The following NXPH1 variants were observed in gnomAD, a reference collection of about 807,000 sequenced individuals.
The protein encoded by NXPH1 is neurexophilin-1.
NXPH1 carries 5 observed loss-of-function variants against 23.7 expected under a neutral mutation model. The ratio of observed to expected loss-of-function variants is 0.21; its 90% confidence interval spans 0.11 to 0.44. The LOEUF is 0.44. Among genes scored for constraint, NXPH1 ranks in the 20% least tolerant of loss-of-function variants. The pLI is 0.99. For missense variants in NXPH1, 324 were observed against 321.6 expected (o/e 1.01, Z -0.06); for synonymous variants, 144 against 122.2 (o/e 1.18, Z -1.18).
chr7:8,613,118 A>T (rs1819655039), intron 2 of NXPH1, among the ~76,000 whole-genome samples: 1 of 151,904 alleles, frequency 6.6e-6, no homozygotes, highest in Non-Finnish European at 1.5e-5. Context: ...TCATGCCACT[A>T]CTACCTTGAG....
chr7:8,531,506 C>T (rs1817949197), intron 2 of NXPH1, among the ~76,000 whole-genome samples: 1 of 152,134 alleles, frequency 6.6e-6, no homozygotes. Context: ...AACTAGAACT[C>T]CCTTCAGTTA....
At position 8,581,020 on chromosome 7, in the gene NXPH1, G is replaced by C. The variant is rs542476138; in HGVS notation, c.54+145253G>C. On this transcript the variant is annotated intron_variant, in intron 2 of 2. Transcript: ENST00000405863. ...ATGCTAAATCCCTGAGCAAGAAAGGGAGTTACAATCAAGGACCAAATGGGA... is the reference window on the plus strand; with the variant it reads ...ATGCTAAATCCCTGAGCAAGAAAGGCAGTTACAATCAAGGACCAAATGGGA... 2.1e-4 allele frequency among the ~76,000 whole-genome samples: 32 copies of C among 152,258 alleles called. No homozygotes were observed. The South Asian group carries it at 6.0e-3, about 29-fold the overall frequency.
chr7:8,662,445 C>G (rs1410204852), intron 2 of NXPH1, among the ~76,000 whole-genome samples: 3 of 151,900 alleles, frequency 2.0e-5, no homozygotes, highest in Non-Finnish European at 4.4e-5. Flanking sequence ...AACTTTTTGA[C>G]CAATATATTT....
At position 8,509,798 on chromosome 7, in the gene NXPH1, A is replaced by G. The variant is rs544445171; in HGVS notation, c.54+74031A>G. Among the ~76,000 whole-genome samples, 4 of 152,270 alleles carry G rather than the reference A, an allele frequency of 2.6e-5. No individual in the cohort carries two copies. In the South Asian group the frequency reaches 8.3e-4, roughly 32 times the overall value. On this transcript the variant is annotated intron_variant, in intron 2 of 2. Transcript: ENST00000405863. ...CACATGTTCCAACAAAAGCAAAACC[A>G]ATGTGAAAAATGTCTCATCAATGCC...
chr7:8,602,649 C>G (rs58251508), intron 2 of NXPH1, among the ~76,000 whole-genome samples: 3,656 of 152,236 alleles, frequency 0.024, 140 homozygotes, highest in African/African-American at 0.079. Flanking sequence ...GTTTTCTCTA[C>G]TAGATTTCAA....
chr7:8,751,229 G>A lies in NXPH1; in HGVS notation c.276G>A (p.Arg92=). The A allele has an allele frequency of 6.2e-7, 1 of 1,613,868 alleles. No homozygotes were observed. The highest frequency in any genetic ancestry group is 8.5e-7 in the Non-Finnish European group (1 of 1,179,818). ...YSEQDLWDWL[R]NSTDLQEPRP... is the part of the protein sequence containing the mutation. ...AGCAAGACCTCTGGGACTGGCTGAG[G>A]AACTCCACAGACCTTCAAGAGCCTC... The change falls in exon 3 of 3, where the codon AGG becomes AGA. Residue 92 remains arginine (R), a synonymous_variant. Coordinates refer to ENST00000405863, the MANE Select transcript of NXPH1 (RefSeq NM_152745.3). This position sits in a 1 kb window ranked among gnomAD's most constrained non-coding sequence, Gnocchi z 4.5.
chr7:8,749,853 C>T (rs966537894), intron 2 of NXPH1, among the ~76,000 whole-genome samples: 1 of 152,162 alleles, frequency 6.6e-6, no homozygotes, highest in Non-Finnish European at 1.5e-5. Flanking sequence ...TAGCTCCTGT[C>T]CTTGATTCTT....
At chr7:8,492,879 T>C (rs1817273333) in intron 2 of NXPH1, among the ~76,000 whole-genome samples, 1 of 152,046 alleles carries the variant, frequency 6.6e-6, no homozygotes, top group Non-Finnish European at 1.5e-5. Flanking sequence ...ACTCTATTTA[T>C]TGATTATTTC....
intron 2 of NXPH1, among the ~76,000 whole-genome samples, chr7:8,445,674 C>A (rs1363684245): frequency 6.6e-6 from 1 of 152,238 alleles, no homozygotes; most frequent in Admixed American, 6.5e-5. Context: ...ACAGATTACA[C>A]ATACACATAT....
At chr7:8,466,887 T>G (rs1341519537) in intron 2 of NXPH1, among the ~76,000 whole-genome samples, 1 of 151,188 alleles carries the variant, frequency 6.6e-6, no homozygotes, top group East Asian at 2.0e-4. Context: ...TCTAGAGTCA[T>G]TAGAGCTGAT....
rs759439643 is a variant in NXPH1 at position 8,751,017 on chromosome 7, G to A, written c.64G>A (p.Ala22Thr). ...TCTCTTCTGTTTTCAGGTCACATGT[G>A]CCAATTTAACGAACGGTGGAAAGTC... ...LQPTVYLVTC[A>T]NLTNGGKSEL... The change falls in exon 3 of 3, where the codon GCC becomes ACC. Residue 22 changes from alanine (A) to threonine (T), a missense_variant. Coordinates refer to ENST00000405863, the MANE Select transcript of NXPH1 (RefSeq NM_152745.3). The surrounding 1 kb of genome is among the most constrained non-coding windows in gnomAD (Gnocchi z 4.5). 1.2e-6 allele frequency: 2 copies of A among 1,613,526 alleles called. No homozygotes were observed. Among genetic ancestry groups the A allele is most frequent in the East Asian group, 2.2e-5 (1 of 44,880 alleles).
chr7:8,666,302 T>C (rs1051654441), intron 2 of NXPH1, among the ~76,000 whole-genome samples: 8 of 152,106 alleles, frequency 5.3e-5, no homozygotes, highest in Non-Finnish European at 1.2e-4. Context: ...GATATGATCA[T>C]ATGGTTTTTG....
intron 2 of NXPH1, among the ~76,000 whole-genome samples, chr7:8,736,586 T>G (rs1780260706): frequency 6.6e-6 from 1 of 152,238 alleles, no homozygotes; most frequent in Admixed American, 6.5e-5. Context: ...GATGTGGTGC[T>G]GACAAGAATG....
At chr7:8,680,050 G>T (rs903333116) in intron 2 of NXPH1, among the ~76,000 whole-genome samples, 3 of 152,206 alleles carry the variant, frequency 2.0e-5, no homozygotes, top group Non-Finnish European at 4.4e-5. Context: ...TGAAACCCTA[G>T]TATGTTTTCA....
intron 2 of NXPH1, among the ~76,000 whole-genome samples, chr7:8,685,743 G>C (rs897017119): frequency 6.6e-5 from 10 of 151,906 alleles, no homozygotes; most frequent in Admixed American, 2.6e-4. Flanking sequence ...CATCGATATA[G>C]AGAGTACAAG....
rs766533036 is a variant in NXPH1 at position 8,751,050 on chromosome 7, C to A, written c.97C>A (p.Leu33Met). The A allele has an allele frequency of 1.9e-6, 3 of 1,613,710 alleles. No individual in the cohort carries two copies. In the African/African-American group the frequency reaches 4.0e-5, roughly 22 times the overall value. Residue 33 changes from leucine (L) to methionine (M), a missense_variant, in exon 3 of 3, where the codon CTG becomes ATG. Leu to Met is a conservative substitution (Grantham distance 15). Transcript: ENST00000405863. The surrounding 1 kb of genome is among the most constrained non-coding windows in gnomAD (Gnocchi z 4.5). ...NLTNGGKSEL[L>M]KSGSSKSTLK... Reference sequence around the variant, plus strand: ...AACGAACGGTGGAAAGTCAGAACTTCTGAAATCAGGAAGCAGCAAATCCAC... The same window carrying A: ...AACGAACGGTGGAAAGTCAGAACTTATGAAATCAGGAAGCAGCAAATCCAC...
At chr7:8,512,998 G>A (rs953623221) in intron 2 of NXPH1, among the ~76,000 whole-genome samples, 1 of 152,036 alleles carries the variant, frequency 6.6e-6, no homozygotes. Context: ...ATACAGTATC[G>A]ACCCTCAGTC....
chr7:8,531,888 ATC>A (rs1193241482), intron 2 of NXPH1, among the ~76,000 whole-genome samples: 1 of 152,192 alleles, frequency 6.6e-6, no homozygotes, highest in African/African-American at 2.4e-5. Context: ...CATAGTAGGT[ATC>A]TCACATATGG....
chr7:8,571,027 T>TAATCC (rs1483097055), intron 2 of NXPH1, among the ~76,000 whole-genome samples: 1 of 4,064 alleles, frequency 2.5e-4, no homozygotes, highest in African/African-American at 1.5e-3. Flanking sequence ...CTATCTAATC[T>TAATCC]AATCTAATCT....
Sources: gnomAD v4.1 joint callset for allele counts (sites outside exome capture counted in the v4.1 genomes callset) on GRCh38, gnomAD v4.1.1 for gene constraint, Gnocchi (gnomAD v3.1) non-coding constraint, MANE v1.5 for transcripts, NCBI Gene and HGNC (gene_info 2026-07-23, HGNC 2026-07-21) for gene names.